COMMD10: variants seen among roughly 807,000 people sequenced by gnomAD.
The protein encoded by COMMD10 is COMM domain-containing protein 10.
Under a neutral mutation model 28.9 loss-of-function variants are expected in COMMD10, and 33 were observed. The ratio of observed to expected loss-of-function variants is 1.14; its 90% confidence interval spans 0.87 to 1.53. The LOEUF (loss-of-function observed/expected upper bound fraction) is 1.53. COMMD10 is among the 40% of genes most tolerant of loss of function. The pLI, the probability that COMMD10 is intolerant of heterozygous loss-of-function variation, is 0.00. For missense variants in COMMD10, 310 were observed against 233.4 expected, an observed-to-expected ratio of 1.33 and a Z score of -2.14; for synonymous variants, 110 against 81.7, an observed-to-expected ratio of 1.35 and a Z score of -1.87.
intron 4 of COMMD10, among the ~76,000 whole-genome samples, chr5:116,128,813 C>G (rs984925322): frequency 6.6e-6 from 1 of 151,910 alleles, no homozygotes; most frequent in African/African-American, 2.4e-5. Flanking sequence ...TGGCGTATCC[C>G]TCAATTTTTA....
chr5:116,148,899 G>A (rs576428974), intron 5 of COMMD10, among the ~76,000 whole-genome samples: 1 of 151,808 alleles, frequency 6.6e-6, no homozygotes, highest in Non-Finnish European at 1.5e-5. Flanking sequence ...TGTGCACAAT[G>A]CGCAGGTTAG....
intron 5 of COMMD10, among the ~76,000 whole-genome samples, chr5:116,285,629 T>C (rs753009083): frequency 3.3e-5 from 5 of 151,988 alleles, no homozygotes; most frequent in Non-Finnish European, 7.3e-5. Context: ...TTTCCACCTT[T>C]ATTCTGTTAA....
chr5:116,141,106 G>A (rs561329248), intron 5 of COMMD10, among the ~76,000 whole-genome samples: 21 of 151,448 alleles, frequency 1.4e-4, no homozygotes, highest in Non-Finnish European at 2.4e-4. Flanking sequence ...TTTGATTTTT[G>A]TGTATGGTGT....
At chr5:116,180,861 G>A (rs1747933476) in intron 5 of COMMD10, among the ~76,000 whole-genome samples, 1 of 152,046 alleles carries the variant, frequency 6.6e-6, no homozygotes, top group African/African-American at 2.4e-5. Context: ...ATGATGAAAT[G>A]CTTATTTAAA....
chr5:116,134,920 C>T (rs187519031), intron 5 of COMMD10, among the ~76,000 whole-genome samples: 388 of 149,234 alleles, frequency 2.6e-3, no homozygotes, highest in Non-Finnish European at 4.5e-3. Context: ...CGCGCCCGGC[C>T]TACAATTTTT....
At chr5:116,204,323 A>G (rs1748756562) in intron 5 of COMMD10, among the ~76,000 whole-genome samples, 1 of 152,180 alleles carries the variant, frequency 6.6e-6, no homozygotes, top group Admixed American at 6.6e-5. Context: ...ATTTCACTAA[A>G]TTCCACTTTT....
At chr5:116,216,400 ATGT>A (rs1749100615) in intron 5 of COMMD10, among the ~76,000 whole-genome samples, 1 of 152,336 alleles carries the variant, frequency 6.6e-6, no homozygotes, top group African/African-American at 2.4e-5. Flanking sequence ...AACAAATCTG[ATGT>A]TGTCATAGAG....
At chr5:116,241,835 T>G (rs541060253) in intron 5 of COMMD10, among the ~76,000 whole-genome samples, 165 of 152,144 alleles carry the variant, frequency 1.1e-3, no homozygotes, top group African/African-American at 3.9e-3. Flanking sequence ...GCCAGGATGG[T>G]CTCTATCTCC....
chr5:116,179,950 A>G (rs891722184), intron 5 of COMMD10, among the ~76,000 whole-genome samples: 5 of 152,116 alleles, frequency 3.3e-5, no homozygotes, highest in African/African-American at 7.2e-5. Context: ...AGCAAGCAGA[A>G]TGCTATTTCC....
intron 5 of COMMD10, among the ~76,000 whole-genome samples, chr5:116,234,930 A>T (rs1331773269): frequency 2.0e-5 from 3 of 152,202 alleles, no homozygotes; most frequent in African/African-American, 7.2e-5. Flanking sequence ...AAAGAGTTGG[A>T]TAAGAGCAGT....
intron 5 of COMMD10, among the ~76,000 whole-genome samples, chr5:116,221,419 C>T (rs2112644583): frequency 6.6e-6 from 1 of 152,232 alleles, no homozygotes; most frequent in East Asian, 1.9e-4. Flanking sequence ...GTATATTGGT[C>T]CGTTACTGTA....
chr5:116,224,272 A>G (rs897105464), intron 5 of COMMD10, among the ~76,000 whole-genome samples: 1 of 152,226 alleles, frequency 6.6e-6, no homozygotes, highest in Non-Finnish European at 1.5e-5. Flanking sequence ...CCTGTTCACT[A>G]GAATTAGGAA....
intron 5 of COMMD10, among the ~76,000 whole-genome samples, chr5:116,136,796 G>T (rs10519443): frequency 0.083 from 12,668 of 152,148 alleles, 1,034 homozygotes; most frequent in African/African-American, 0.21. Flanking sequence ...CTTATAACTT[G>T]CAGAGCTAGA....
chr5:116,227,859 G>T (rs916058118), intron 5 of COMMD10, among the ~76,000 whole-genome samples: 6 of 152,044 alleles, frequency 3.9e-5, no homozygotes, highest in South Asian at 2.1e-4. Context: ...ATGTATACCA[G>T]TGGGAACCAG....
chr5:116,133,430 C>T (rs1246313879), intron 4 of COMMD10, among the ~76,000 whole-genome samples: 3 of 152,132 alleles, frequency 2.0e-5, no homozygotes, highest in Non-Finnish European at 4.4e-5. Context: ...TAGTTTCTGT[C>T]ATAACTGGGA....
intron 5 of COMMD10, among the ~76,000 whole-genome samples, chr5:116,267,211 C>G (rs1750610872): frequency 6.6e-6 from 1 of 151,856 alleles, no homozygotes; most frequent in Non-Finnish European, 1.5e-5. Flanking sequence ...TTGTCTCCAG[C>G]CCAAAATCTC....
intron 5 of COMMD10, among the ~76,000 whole-genome samples, chr5:116,198,273 A>G (rs999502100): frequency 7.9e-5 from 12 of 152,172 alleles, no homozygotes; most frequent in African/African-American, 2.7e-4. Context: ...GCCTAATACT[A>G]TAAAGAATAG....
rs539582995 is a variant in COMMD10 at position 116,228,392 on chromosome 5, A to G, written c.511-63125A>G. On this transcript the variant is annotated intron_variant, in intron 5 of 6. Coordinates refer to ENST00000274458, the MANE Select transcript of COMMD10 (RefSeq NM_016144.4). Reference sequence around the variant, plus strand: ...TTATTCACATTGTTGATTTTGCCCAATGACACAAGCTATATGTTAATATTA... The same window carrying G: ...TTATTCACATTGTTGATTTTGCCCAGTGACACAAGCTATATGTTAATATTA... Among the ~76,000 whole-genome samples, 7 of 152,088 alleles carry G rather than the reference A, an allele frequency of 4.6e-5. No individual in the cohort carries two copies. In the South Asian group the frequency reaches 6.2e-4, roughly 14 times the overall value.
chr5:116,147,044 C>G (rs1752373392), intron 5 of COMMD10, among the ~76,000 whole-genome samples: 1 of 151,660 alleles, frequency 6.6e-6, no homozygotes, highest in Non-Finnish European at 1.5e-5. Context: ...GGAAATGTGG[C>G]CATCCCGAGA....
Sources: allele counts gnomAD v4.1 joint callset (sites outside exome capture counted in the v4.1 genomes callset), GRCh38; gene constraint gnomAD v4.1.1; transcripts MANE v1.5; gene names NCBI Gene and HGNC (gene_info 2026-07-23, HGNC 2026-07-21).